Variants in NOX4 observed in about 807,000 individuals in gnomAD.
The protein encoded by NOX4 is kidney oxidase-1.
Under a neutral mutation model 87.6 loss-of-function variants are expected in NOX4, and 69 were observed. The observed-to-expected ratio is 0.79, with a 90% CI of 0.65 to 0.96. The LOEUF (loss-of-function observed/expected upper bound fraction) is 0.96, where lower values mean the gene tolerates loss of function less well. Among genes scored for constraint, NOX4 ranks in the 40% least tolerant of loss-of-function variants. The probability of loss-of-function intolerance (pLI) is 0.00; values close to 1 mark genes in which losing one functional copy is unlikely to be tolerated. For synonymous variants in NOX4, 275 were observed against 238.2 expected, an observed-to-expected ratio of 1.15 and a Z score of -1.42; for missense variants, 680 against 681.5, an observed-to-expected ratio of 1.00 and a Z score of 0.02.
intron 2 of NOX4, among the ~76,000 whole-genome samples, chr11:89,467,233 C>T (rs1452814187): frequency 6.6e-6 from 1 of 150,678 alleles, no homozygotes; most frequent in Non-Finnish European, 1.5e-5. Flanking sequence ...CGCCTGTAGT[C>T]CCAGCTACTA....
At chr11:89,577,035 C>T in the NOX4 span, 1 of 152,108 alleles carries the variant, frequency 6.6e-6, no homozygotes, top group Non-Finnish European at 1.5e-5. Context: ...GATTATGTAA[C>T]TTAGATTAAA....
Position 89,400,063 on chromosome 11 carries a change from C to T in NOX4, c.1028G>A (p.Cys343Tyr), listed in dbSNP as rs1941736228. The T allele has an allele frequency of 1.9e-6, 3 of 1,606,694 alleles. No homozygotes were observed. The East Asian group carries it at 6.7e-5, about 36-fold the overall frequency. Residue 343 changes from cysteine to tyrosine, a missense_variant, in exon 11 of 18, where the codon TGT becomes TAT. Cys to Tyr is a radical substitution (Grantham distance 194). Coordinates refer to ENST00000263317, the MANE Select transcript of NOX4 (RefSeq NM_016931.5). Reference protein sequence around the residue: ...ARPGQYITLHCPSVSALENHP... With the variant: ...ARPGQYITLHYPSVSALENHP... ...ATTTTCTAATGCAGATACACTGGGA[C>T]AATGTAGAGTAATATACTAAAAAGC...
the NOX4 span, among the ~76,000 whole-genome samples, chr11:89,503,304 A>C: frequency 6.6e-6 from 1 of 152,018 alleles, no homozygotes; most frequent in Non-Finnish European, 1.5e-5. Context: ...TTTAAACAAC[A>C]AAAGAGTCCA....
the NOX4 span, chr11:89,545,460 G>A: frequency 6.6e-6 from 1 of 151,988 alleles, no homozygotes; most frequent in Non-Finnish European, 1.5e-5. Flanking sequence ...TATGATCATT[G>A]TAAAAAACTT....
intron 11 of NOX4, among the ~76,000 whole-genome samples, chr11:89,395,452 T>A (rs1400173407): frequency 1.3e-5 from 2 of 152,202 alleles, no homozygotes; most frequent in African/African-American, 4.8e-5. Flanking sequence ...ATTCTGTAGG[T>A]TGCCTGTTCA....
chr11:89,354,232 T>C (rs1156996819), intron 13 of NOX4, among the ~76,000 whole-genome samples: 1 of 152,192 alleles, frequency 6.6e-6, no homozygotes, highest in Admixed American at 6.6e-5. Flanking sequence ...CTTTAGCCTG[T>C]TGCACACTAA....
chr11:89,568,187 C>A, the NOX4 span, among the ~76,000 whole-genome samples: 3 of 152,136 alleles, frequency 2.0e-5, no homozygotes, highest in South Asian at 4.1e-4. Context: ...CTCAGCTGAA[C>A]CCAACTTACA....
chr11:89,485,374 A>C (rs1946551486), intron 2 of NOX4, among the ~76,000 whole-genome samples: 1 of 152,118 alleles, frequency 6.6e-6, no homozygotes, highest in African/African-American at 2.4e-5. Flanking sequence ...TTGGAGGGAA[A>C]AATATAATAT....
chr11:89,467,349 CAAAAAAAAAAA>C (rs71052233), intron 2 of NOX4, among the ~76,000 whole-genome samples: 7 of 61,460 alleles, frequency 1.1e-4, no homozygotes, highest in African/African-American at 2.3e-4. Flanking sequence ...AAACTCGTCA[CAAAAAAAAAAA>C]AAAAAAAAAA....
the NOX4 span, among the ~76,000 whole-genome samples, chr11:89,527,923 C>T: frequency 6.6e-6 from 1 of 152,126 alleles, no homozygotes; most frequent in African/African-American, 2.4e-5. Flanking sequence ...GGTAGATCCA[C>T]CAACAGCTTG....
chr11:89,366,201 T>A (rs185011827), intron 12 of NOX4, among the ~76,000 whole-genome samples: 18 of 152,188 alleles, frequency 1.2e-4, no homozygotes, highest in African/African-American at 4.1e-4. Context: ...ATAATTCTTA[T>A]TTTCTTCCAT....
the NOX4 span, among the ~76,000 whole-genome samples, chr11:89,527,939 T>C: frequency 6.6e-6 from 1 of 151,924 alleles, no homozygotes; most frequent in African/African-American, 2.4e-5. Context: ...GCTTGCACTG[T>C]CCACCTGGAA....
the NOX4 span, among the ~76,000 whole-genome samples, chr11:89,504,506 T>C: frequency 7.9e-5 from 12 of 151,878 alleles, no homozygotes; most frequent in African/African-American, 2.9e-4. Context: ...CTGAAGTAGA[T>C]AGGTGATAAG....
chr11:89,410,418 G>A (rs1032409939), intron 8 of NOX4, among the ~76,000 whole-genome samples: 4 of 152,268 alleles, frequency 2.6e-5, no homozygotes, highest in Non-Finnish European at 5.9e-5. Context: ...ATGCAATTCA[G>A]CTTCATCCAG....
intron 2 of NOX4, among the ~76,000 whole-genome samples, chr11:89,487,427 G>C (rs1182379554): frequency 8.1e-6 from 1 of 122,878 alleles, no homozygotes; most frequent in African/African-American, 4.5e-5. Context: ...ACCATATTCT[G>C]TGGGTCCTTC....
chr11:89,328,528 C>T (rs1237876777), intron 17 of NOX4, among the ~76,000 whole-genome samples: 1 of 152,064 alleles, frequency 6.6e-6, no homozygotes, highest in East Asian at 1.9e-4. Context: ...CATGTCAGAA[C>T]AAGTCCAACA....
the NOX4 span, among the ~76,000 whole-genome samples, chr11:89,586,108 AC>A: frequency 1.3e-5 from 2 of 151,930 alleles, no homozygotes; most frequent in South Asian, 4.2e-4. Flanking sequence ...ATAATTTATA[AC>A]ACTCTCTCAC....
At chr11:89,395,387 T>C (rs1941409302) in intron 11 of NOX4, among the ~76,000 whole-genome samples, 1 of 152,244 alleles carries the variant, frequency 6.6e-6, no homozygotes, top group Non-Finnish European at 1.5e-5. Context: ...AAGTTCTTTG[T>C]AGATTCTGGA....
intron 2 of NOX4, among the ~76,000 whole-genome samples, chr11:89,459,345 A>G (rs1945347214): frequency 6.6e-6 from 1 of 152,130 alleles, no homozygotes; most frequent in Non-Finnish European, 1.5e-5. Context: ...ATGTGGTACT[A>G]TGCTTATTAC....
Sources: allele counts gnomAD v4.1 joint callset (sites outside exome capture counted in the v4.1 genomes callset), GRCh38; gene constraint gnomAD v4.1.1; transcripts MANE v1.5; gene names NCBI Gene and HGNC (gene_info 2026-07-23, HGNC 2026-07-21).